OPA1: variants seen among roughly 807,000 people sequenced by gnomAD.
The protein encoded by OPA1 is OPA1 mitochondrial dynamin like GTPase.
In OPA1, 59 loss-of-function variants were observed where a neutral mutation model predicts 152.9. The observed-to-expected ratio is 0.39, with a 90% CI of 0.31 to 0.48. The LOEUF is 0.48. OPA1 is among the 20% of genes least tolerant of loss of function. The pLI is 0.96. For missense variants in OPA1, 1,008 were observed against 1,216.8 expected (o/e 0.83, Z 2.55); for synonymous variants, 400 against 389.9 (o/e 1.03, Z -0.31).
intron 2 of OPA1, among the ~76,000 whole-genome samples, chr3:193,615,375 G>T (rs895835766): frequency 1.4e-4 from 21 of 152,328 alleles, no homozygotes; most frequent in African/African-American, 5.1e-4. Context: ...GGGACCAGAG[G>T]CAAGGCGTCC....
intron 22 of OPA1, among the ~76,000 whole-genome samples, chr3:193,655,528 T>C (rs1042036546): frequency 2.0e-5 from 3 of 152,198 alleles, no homozygotes; most frequent in African/African-American, 7.2e-5. Flanking sequence ...AAAGAATCTA[T>C]TTCTGCTACC....
intron 6 of OPA1, among the ~76,000 whole-genome samples, chr3:193,623,683 T>A (rs1213710663): frequency 6.6e-6 from 1 of 152,182 alleles, no homozygotes; most frequent in Non-Finnish European, 1.5e-5. Flanking sequence ...TTAAAAATTA[T>A]TTTTGTACCA....
chr3:193,629,668 A>T (rs1218105437), intron 7 of OPA1, among the ~76,000 whole-genome samples: 1 of 152,098 alleles, frequency 6.6e-6, no homozygotes, highest in African/African-American at 2.4e-5. Flanking sequence ...CTCAAAAAAA[A>T]AGAAAAAAGA....
At position 193,610,475 on chromosome 3, in the gene OPA1, C is replaced by T. The variant is rs181937903; in HGVS notation, c.33-4248C>T. Among the ~76,000 whole-genome samples, 616 of 152,262 alleles carry T rather than the reference C, an allele frequency of 4.0e-3. 4 individuals carry two copies. Among genetic ancestry groups the T allele is most frequent in the African/African-American group, 0.014 (587 of 41,554 alleles). Reference sequence around the variant, plus strand: ...GGGGGTGCCTCCCAGTTAGGCTATTCGGGGGTCAGGGACCCACTTGAGGAG... The same window carrying T: ...GGGGGTGCCTCCCAGTTAGGCTATTTGGGGGTCAGGGACCCACTTGAGGAG... On this transcript the variant is annotated intron_variant, in intron 1 of 30. Coordinates refer to ENST00000361510, the MANE Select transcript of OPA1 (RefSeq NM_130837.3).
rs899179773 is a variant in OPA1 at position 193,695,245 on chromosome 3, A to C, written c.*645A>C. 6.6e-6 allele frequency: 1 copy of C among 152,176 alleles called. No individual in the cohort carries two copies. The highest frequency in any genetic ancestry group is 6.5e-5 in the Admixed American group (1 of 15,274). 9.4% of individuals were successfully genotyped at this position (152,176 alleles called of 1,614,324 possible). ...AGCGAAGAAATTTGCCTTGGAAGCCAAGTCAGTACCAGCTTACCTATTTGA... is the reference window on the plus strand; with the variant it reads ...AGCGAAGAAATTTGCCTTGGAAGCCCAGTCAGTACCAGCTTACCTATTTGA... On this transcript the variant is annotated 3_prime_UTR_variant, in exon 31 of 31. Coordinates refer to ENST00000361510, the MANE Select transcript of OPA1 (RefSeq NM_130837.3).
chr3:193,669,458 G>A (rs1044294314), intron 29 of OPA1, among the ~76,000 whole-genome samples: 2 of 152,184 alleles, frequency 1.3e-5, no homozygotes, highest in East Asian at 3.8e-4. Flanking sequence ...ACTACTAGCT[G>A]TGTCATCTTC....
At position 193,615,049 on chromosome 3, in the gene OPA1, T is replaced by C. The variant is rs1016013021; in HGVS notation, c.351+8T>C. 6.2e-6 allele frequency: 10 copies of C among 1,602,908 alleles called. No homozygotes were observed. The Admixed American group carries it at 1.0e-4, about 16-fold the overall frequency. ...GGCTACACAGCCAAAAAGGTGAACT[T>C]GACATTCCTCCTGGTTTTCCAATTA... On this transcript the variant is annotated splice_region_variant and intron_variant, in intron 2 of 30. Transcript: ENST00000361510.
At chr3:193,669,760 T>G (rs35134178) in intron 29 of OPA1, among the ~76,000 whole-genome samples, 2 of 152,216 alleles carry the variant, frequency 1.3e-5, no homozygotes, top group East Asian at 3.8e-4. Context: ...TCTTTTCTTA[T>G]GTTTTTAGTA....
intron 6 of OPA1, among the ~76,000 whole-genome samples, chr3:193,623,473 G>A (rs913457449): frequency 5.3e-5 from 8 of 152,090 alleles, no homozygotes; most frequent in African/African-American, 1.7e-4. Flanking sequence ...GACTTTGTAC[G>A]TGAAATGAGA....
At chr3:193,626,452 A>G (rs1285481168) in intron 7 of OPA1, among the ~76,000 whole-genome samples, 1 of 152,158 alleles carries the variant, frequency 6.6e-6, no homozygotes. Context: ...GGGTCCCTGT[A>G]TTTATACTTA....
chr3:193,678,519 T>C (rs530730749), intron 29 of OPA1, among the ~76,000 whole-genome samples: 38 of 152,342 alleles, frequency 2.5e-4, no homozygotes, highest in Admixed American at 1.9e-3. Flanking sequence ...TGGCTTCTTA[T>C]ACCCACAGCT....
Position 193,599,106 on chromosome 3 carries a change from A to G in OPA1, c.32+5697A>G, listed in dbSNP as rs542824560. Among the ~76,000 whole-genome samples, 3 of 152,122 alleles carry G rather than the reference A, an allele frequency of 2.0e-5. No homozygotes were observed. The South Asian group carries it at 6.2e-4, about 32-fold the overall frequency. On this transcript the variant is annotated intron_variant, in intron 1 of 30. Coordinates refer to ENST00000361510, the MANE Select transcript of OPA1 (RefSeq NM_130837.3). ...CACCTAACTTTAGGCTCTTCCCCTTACATCTGGGTAACTGAAATAAGATCA... is the reference window on the plus strand; with the variant it reads ...CACCTAACTTTAGGCTCTTCCCCTTGCATCTGGGTAACTGAAATAAGATCA...
At chr3:193,658,487 T>G (rs1482856213) in intron 23 of OPA1, among the ~76,000 whole-genome samples, 1 of 152,168 alleles carries the variant, frequency 6.6e-6, no homozygotes, top group Non-Finnish European at 1.5e-5. Context: ...TTCTCCTCAT[T>G]TTTGAAAAGG....
At chr3:193,595,408 AAG>A (rs1725331237) in intron 1 of OPA1, among the ~76,000 whole-genome samples, 1 of 151,372 alleles carries the variant, frequency 6.6e-6, no homozygotes, top group Non-Finnish European at 1.5e-5. Context: ...GTCAATGAAC[AAG>A]AGAGTAGATT....
At chr3:193,611,547 A>T (rs1009676180) in intron 1 of OPA1, among the ~76,000 whole-genome samples, 3 of 143,664 alleles carry the variant, frequency 2.1e-5, no homozygotes, top group Non-Finnish European at 4.5e-5. Flanking sequence ...CAGTGAGCCG[A>T]GATTGCGCCA....
chr3:193,649,900 G>A (rs1432173197), intron 21 of OPA1, among the ~76,000 whole-genome samples: 1 of 152,144 alleles, frequency 6.6e-6, no homozygotes, highest in African/African-American at 2.4e-5. Context: ...CCATGGCTTT[G>A]TGTCAGTCAG....
chr3:193,684,545 G>A (rs1035363475), intron 29 of OPA1, among the ~76,000 whole-genome samples: 1 of 149,166 alleles, frequency 6.7e-6, no homozygotes, highest in South Asian at 2.1e-4. Context: ...CCGCCTCCTG[G>A]ATTCAAGTGA....
chr3:193,600,538 T>C (rs187477629), intron 1 of OPA1, among the ~76,000 whole-genome samples: 9 of 152,302 alleles, frequency 5.9e-5, no homozygotes, highest in Non-Finnish European at 8.8e-5. Flanking sequence ...ATAAAAGTTC[T>C]TATGAAATGA....
chr3:193,614,313 T>C (rs745506227), intron 1 of OPA1, among the ~76,000 whole-genome samples: 2 of 152,374 alleles, frequency 1.3e-5, no homozygotes, highest in Non-Finnish European at 2.9e-5. Flanking sequence ...TAGTAGTTAA[T>C]AAAATAAGTC....
Sources: allele counts gnomAD v4.1 joint callset (sites outside exome capture counted in the v4.1 genomes callset), GRCh38; gene constraint gnomAD v4.1.1; transcripts MANE v1.5; gene names NCBI Gene and HGNC (gene_info 2026-07-23, HGNC 2026-07-21).